The following PUM1 variants were observed in gnomAD, a reference collection of about 807,000 sequenced individuals.
PUM1 encodes pumilio RNA binding family member 1.
PUM1 carries 13 observed loss-of-function variants against 131.8 expected under a neutral mutation model. That is an observed-to-expected ratio of 0.10 (90% confidence interval 0.06 to 0.16). The LOEUF is 0.16. PUM1 is among the 10% of genes least tolerant of loss of function. PUM1 has a pLI of 1.00. For missense variants in PUM1, 961 were observed against 1,512.4 expected (o/e 0.64, Z 6.05); for synonymous variants, 509 against 556.5 (o/e 0.91, Z 1.20).
intron 7 of PUM1, among the ~76,000 whole-genome samples, chr1:30,990,619 T>C (rs1255607208): frequency 6.6e-6 from 1 of 151,324 alleles, no homozygotes; most frequent in Non-Finnish European, 1.5e-5. Flanking sequence ...GTCTTAAAGA[T>C]ATAGGAGGCT....
intron 7 of PUM1, among the ~76,000 whole-genome samples, chr1:30,989,571 C>CA (rs1174565063): frequency 0.14 from 3,955 of 27,576 alleles, 886 homozygotes; most frequent in South Asian, 0.24. Context: ...GACTCCGTCT[C>CA]AAAAAAAAAA....
At chr1:31,006,231 G>C (rs1268515911) in intron 4 of PUM1, among the ~76,000 whole-genome samples, 200 bp from the exon 5 acceptor site, 4 of 152,294 alleles carry the variant, frequency 2.6e-5, no homozygotes, top group African/African-American at 9.6e-5. Context: ...CAGGATAGCA[G>C]AGGAATACAA....
intron 1 of PUM1, among the ~76,000 whole-genome samples, chr1:31,060,139 C>T (rs1028745111): frequency 1.3e-5 from 2 of 151,282 alleles, no homozygotes; most frequent in South Asian, 2.1e-4. Flanking sequence ...TGAGCCACCG[C>T]GCCCAGCCCC....
chr1:30,987,580 T>C (rs1206614895), intron 7 of PUM1, among the ~76,000 whole-genome samples: 1 of 152,192 alleles, frequency 6.6e-6, no homozygotes, highest in Non-Finnish European at 1.5e-5. Flanking sequence ...TGCTCCAACA[T>C]CACAGTACAA....
intron 2 of PUM1, among the ~76,000 whole-genome samples, chr1:31,031,885 CCTCTCTCT>C (rs5773334): frequency 1.3e-5 from 2 of 149,806 alleles, no homozygotes; most frequent in South Asian, 2.1e-4. Flanking sequence ...CTCCCCTGGC[CCTCTCTCT>C]CTCTCTCTCT....
intron 1 of PUM1, among the ~76,000 whole-genome samples, chr1:31,062,294 T>C (rs140315781): frequency 3.3e-5 from 5 of 152,266 alleles, no homozygotes; most frequent in African/African-American, 4.8e-5. Flanking sequence ...GTACTTAAGA[T>C]AGAACACTTG....
chr1:31,035,443 C>T (rs1435169663), intron 2 of PUM1, among the ~76,000 whole-genome samples: 1 of 151,600 alleles, frequency 6.6e-6, no homozygotes, highest in Non-Finnish European at 1.5e-5. Flanking sequence ...TAATATTATT[C>T]CCATTTTGGA....
At chr1:30,960,664 C>G (rs2105345) in intron 14 of PUM1, among the ~76,000 whole-genome samples, 62,407 of 151,882 alleles carry the variant, frequency 0.41, 13,094 homozygotes, top group Admixed American at 0.47. Flanking sequence ...AAAAATATAT[C>G]CAGTTAGGAA....
chr1:31,042,413 TCTA>T (rs1471230395), intron 2 of PUM1, among the ~76,000 whole-genome samples: 1 of 152,094 alleles, frequency 6.6e-6, no homozygotes, highest in Non-Finnish European at 1.5e-5. Flanking sequence ...ATTCAACATA[TCTA>T]CTAACTTTTT....
At chr1:30,982,422 T>C (rs1028688007) in intron 7 of PUM1, among the ~76,000 whole-genome samples, 2 of 152,234 alleles carry the variant, frequency 1.3e-5, no homozygotes, top group Admixed American at 6.5e-5. Context: ...TAACCTAATT[T>C]GTGGATCACC....
At chr1:30,938,604 C>G (rs1639309858) in intron 20 of PUM1, among the ~76,000 whole-genome samples, 1 of 152,130 alleles carries the variant, frequency 6.6e-6, no homozygotes, top group East Asian at 1.9e-4. Context: ...GTGGCTGACA[C>G]CTGTAATCCC....
At chr1:31,048,778 A>G (rs1464352863) in intron 2 of PUM1, among the ~76,000 whole-genome samples, 1 of 152,004 alleles carries the variant, frequency 6.6e-6, no homozygotes, top group African/African-American at 2.4e-5. Context: ...CCGGCCCATC[A>G]GGGTAAATTC....
chr1:30,951,227 C>T (rs770746993), intron 16 of PUM1, among the ~76,000 whole-genome samples: 3 of 152,160 alleles, frequency 2.0e-5, no homozygotes, highest in Admixed American at 6.5e-5. Flanking sequence ...TTTGTCACCC[C>T]AAGGTGCATC....
intron 9 of PUM1, among the ~76,000 whole-genome samples, chr1:30,976,781 AT>A (rs1273960512): frequency 1.3e-5 from 2 of 152,162 alleles, no homozygotes; most frequent in East Asian, 3.9e-4. Flanking sequence ...GGGTTAAAAC[AT>A]TTTTTAATTT....
chr1:30,978,924 G>A (rs1203402495), intron 9 of PUM1, among the ~76,000 whole-genome samples: 1 of 152,030 alleles, frequency 6.6e-6, no homozygotes, highest in African/African-American at 2.4e-5. Flanking sequence ...GGCAACGCTG[G>A]CGAGACCACC....
At chr1:30,959,662 C>T (rs1164293338) in intron 14 of PUM1, among the ~76,000 whole-genome samples, 1 of 152,112 alleles carries the variant, frequency 6.6e-6, no homozygotes, top group Non-Finnish European at 1.5e-5. Context: ...AATCCCAACA[C>T]TTTGGGAGGC....
intron 9 of PUM1, among the ~76,000 whole-genome samples, chr1:30,979,768 A>G (rs1426799737): frequency 6.6e-6 from 1 of 152,180 alleles, no homozygotes; most frequent in Non-Finnish European, 1.5e-5. Flanking sequence ...TAGAGGTGGT[A>G]GGAGATCTGG....
intron 11 of PUM1, 65 bp from the exon 12 acceptor site, chr1:30,967,375 C>T: frequency 6.6e-7 from 1 of 1,503,898 alleles, no homozygotes; most frequent in Non-Finnish European, 9.2e-7. Context: ...TGGGCACCAA[C>T]ATATTGTCAA....
rs201044542 is a variant in PUM1, at chr1:30,981,695, CACAT to C, written c.1159-294_1159-291del. On this transcript the variant is annotated intron_variant, in intron 7 of 21. Transcript: ENST00000426105. Reference sequence around the variant, plus strand: ...ACACACTCTCTCACACACACACACACACATATGAGATATCTATATCTATATCTAT... The same window carrying C: ...ACACACTCTCTCACACACACACACACATGAGATATCTATATCTATATCTAT... Among the ~76,000 whole-genome samples the C allele has an allele frequency of 3.7e-3, 558 of 152,102 alleles. 6 individuals carry two copies. The highest frequency in any genetic ancestry group is 0.013 in the African/African-American group (521 of 41,460).
Sources: allele counts gnomAD v4.1 joint callset (sites outside exome capture counted in the v4.1 genomes callset), GRCh38; gene constraint gnomAD v4.1.1; transcripts MANE v1.5; gene names NCBI Gene and HGNC (gene_info 2026-07-23, HGNC 2026-07-21).